UGT1A10: variants seen among roughly 807,000 people sequenced by gnomAD.
The protein encoded by UGT1A10 is UDP glucuronosyltransferase family 1 member A10, also known as UDP-glucuronosyltransferase 1A10.
UGT1A10 carries 49 observed loss-of-function variants against 45.8 expected under a neutral mutation model. That is an observed-to-expected ratio of 1.07 (90% CI 0.85 to 1.36). The LOEUF is 1.36. Among genes scored for constraint, UGT1A10 ranks in the 40% most tolerant of loss-of-function variants. UGT1A10 has a pLI of 0.00. For missense variants in UGT1A10, 745 were observed against 668.6 expected (o/e 1.11, Z -1.26); for synonymous variants, 284 against 249.7 (o/e 1.14, Z -1.29).
intron 1 of UGT1A10, among the ~76,000 whole-genome samples, chr2:233,701,500 G>C (rs2075632905): frequency 6.6e-6 from 1 of 152,066 alleles, no homozygotes; most frequent in Admixed American, 6.5e-5. Flanking sequence ...GGACCTAATA[G>C]ACATCTACAG....
At chr2:233,713,191 T>C in intron 1 of UGT1A10, 1 of 1,614,204 alleles carries the variant, frequency 6.2e-7, no homozygotes, top group Non-Finnish European at 8.5e-7. Flanking sequence ...GAGGTGAATA[T>C]GTACATCAAA....
chr2:233,762,199 A>G (rs532806601), intron 1 of UGT1A10, among the ~76,000 whole-genome samples: 7 of 152,296 alleles, frequency 4.6e-5, no homozygotes, highest in Admixed American at 6.5e-5. Context: ...ATGGGTCTGC[A>G]TGTATTTGGC....
chr2:233,653,596 TG>T (rs1295047167), intron 1 of UGT1A10, among the ~76,000 whole-genome samples: 2 of 152,224 alleles, frequency 1.3e-5, no homozygotes, highest in African/African-American at 4.8e-5. Flanking sequence ...TGAGAAATTT[TG>T]TTTTGTTTTG....
rs573897280 is a variant in UGT1A10 at position 233,648,440 on chromosome 2, T to A, written c.855+11063T>A. ...TCAGGGTTTTCGGATGCTGTGACTT[T>A]TTATTATTATTATTATTTTTATTTA... On this transcript the variant is annotated intron_variant, in intron 1 of 4. Coordinates refer to ENST00000344644, the MANE Select transcript of UGT1A10 (RefSeq NM_019075.4). 20 of 156,738 alleles carry A rather than the reference T, an allele frequency of 1.3e-4. No homozygotes were observed. The South Asian group carries it at 3.3e-3, about 26-fold the overall frequency. The allele number at this position is 156,738 out of a possible 1,614,324, so 9.7% of individuals were successfully genotyped here.
At chr2:233,682,687 T>G in intron 1 of UGT1A10, 2 of 1,613,824 alleles carry the variant, frequency 1.2e-6, no homozygotes, top group Non-Finnish European at 1.7e-6. Context: ...ACACATCAAT[T>G]TGGTTGTTGC....
rs1296616460 is a variant in UGT1A10 at position 233,754,185 on chromosome 2, C to G, written c.856-12849C>G. Reference sequence around the variant, plus strand: ...ATTAATATATTCATAGATTTCACCACCACACAGTAAAACATTGAAGTCAAA... The same window carrying G: ...ATTAATATATTCATAGATTTCACCAGCACACAGTAAAACATTGAAGTCAAA... On this transcript the variant is annotated intron_variant, in intron 1 of 4. Transcript: ENST00000344644. 3.1e-5 allele frequency: 5 copies of G among 159,682 alleles called. No individual in the cohort carries two copies. The East Asian group carries it at 9.1e-4, about 29-fold the overall frequency. 9.9% of individuals were successfully genotyped at this position (159,682 alleles called of 1,614,324 possible). A position where few individuals can be genotyped will look rare whatever the true frequency, so the allele number is the denominator to read the frequency against.
At chr2:233,673,207 T>G (rs2074253732) in intron 1 of UGT1A10, among the ~76,000 whole-genome samples, 1 of 152,218 alleles carries the variant, frequency 6.6e-6, no homozygotes, top group African/African-American at 2.4e-5. Context: ...ACACCTATTT[T>G]GTTAAAATAA....
intron 1 of UGT1A10, among the ~76,000 whole-genome samples, chr2:233,671,082 G>A (rs1013423424): frequency 6.6e-6 from 1 of 152,206 alleles, no homozygotes; most frequent in African/African-American, 2.4e-5. Context: ...AAAACACAAA[G>A]TTGACATCAC....
chr2:233,763,406 T>A (rs1698303480), intron 1 of UGT1A10, among the ~76,000 whole-genome samples: 1 of 152,236 alleles, frequency 6.6e-6, no homozygotes, highest in African/African-American at 2.4e-5. Context: ...GGCACTGGTA[T>A]TTTTAATCCA....
intron 1 of UGT1A10, among the ~76,000 whole-genome samples, chr2:233,759,295 C>T (rs939661689): frequency 1.3e-5 from 2 of 152,106 alleles, no homozygotes; most frequent in Non-Finnish European, 2.9e-5. Context: ...GAAGCTGAGC[C>T]CTGAGTGGCT....
chr2:233,693,916 C>T (rs1297331080), intron 1 of UGT1A10: 2 of 1,611,140 alleles, frequency 1.2e-6, no homozygotes, highest in South Asian at 1.1e-5. Flanking sequence ...AGGCTCTGTC[C>T]TCCCTCACTC....
intron 1 of UGT1A10, among the ~76,000 whole-genome samples, chr2:233,660,984 G>A (rs1283950688): frequency 1.3e-5 from 2 of 151,944 alleles, no homozygotes; most frequent in African/African-American, 4.8e-5. Context: ...TTAGCTTTAT[G>A]TTGTCATATA....
chr2:233,645,226 G>A (rs2073568388), intron 1 of UGT1A10, among the ~76,000 whole-genome samples: 1 of 152,160 alleles, frequency 6.6e-6, no homozygotes, highest in South Asian at 2.1e-4. Context: ...AACAGCATGG[G>A]AAAGACCTGC....
Position 233,730,113 on chromosome 2 carries a change from C to G in UGT1A10, c.856-36921C>G. 5 of 1,563,498 alleles carry G rather than the reference C, an allele frequency of 3.2e-6. No individual in the cohort carries two copies. The South Asian group carries it at 5.9e-5, about 18-fold the overall frequency. ...TTCCAAATATTTCATTTCTGCTTCT[C>G]CTTGTCATAATAGCCTTCAGTGAGA... is the stretch of plus-strand genomic sequence containing the variant. On this transcript the variant is annotated intron_variant, in intron 1 of 4. Coordinates refer to ENST00000344644, the MANE Select transcript of UGT1A10 (RefSeq NM_019075.4).
intron 1 of UGT1A10, among the ~76,000 whole-genome samples, chr2:233,694,225 A>T (rs1242026772): frequency 6.6e-6 from 1 of 152,116 alleles, no homozygotes; most frequent in African/African-American, 2.4e-5. Context: ...ACTCTGTCCC[A>T]TGCTTTGTCT....
intron 1 of UGT1A10, among the ~76,000 whole-genome samples, chr2:233,638,040 C>T (rs1000983398): frequency 6.6e-6 from 1 of 152,074 alleles, no homozygotes; most frequent in Non-Finnish European, 1.5e-5. Flanking sequence ...CAATACTTTC[C>T]TTGCGTGAAT....
Position 233,773,095 on chromosome 2 carries a change from A to C in UGT1A10, c.*536A>C. On this transcript the variant is annotated 3_prime_UTR_variant, in exon 5 of 5. Coordinates refer to ENST00000344644, the MANE Select transcript of UGT1A10 (RefSeq NM_019075.4). ...ATGAATGGCTTGGAGTGCACTGAGA[A>C]CAGCATATGATTTCTTGCTTTGGGG... 6.3e-6 allele frequency: 1 copy of C among 159,994 alleles called. No individual in the cohort carries two copies. Among genetic ancestry groups the C allele is most frequent in the Non-Finnish European group, 1.4e-5 (1 of 71,916 alleles). The allele number at this position is 159,994 out of a possible 1,614,324, so 9.9% of individuals were successfully genotyped here. A position where few individuals can be genotyped will look rare whatever the true frequency, so the allele number is the denominator to read the frequency against.
At chr2:233,729,480 C>G in intron 1 of UGT1A10, 1 of 1,614,164 alleles carries the variant, frequency 6.2e-7, no homozygotes, top group South Asian at 1.1e-5. Context: ...CAATGTTGAA[C>G]AATATGTCTT....
chr2:233,714,477 G>A (rs45505392), intron 1 of UGT1A10, among the ~76,000 whole-genome samples: 3,267 of 152,154 alleles, frequency 0.021, 113 homozygotes, highest in African/African-American at 0.075. Context: ...ATAGGAGAAT[G>A]TTTCTTGTGA....
Sources: gnomAD v4.1 joint callset for allele counts (sites outside exome capture counted in the v4.1 genomes callset) on GRCh38, gnomAD v4.1.1 for gene constraint, MANE v1.5 for transcripts, NCBI Gene and HGNC (gene_info 2026-07-23, HGNC 2026-07-21) for gene names.